TAFA5: variants seen among roughly 807,000 people sequenced by gnomAD.
The protein encoded by TAFA5 is chemokine-like protein TAFA-5.
In TAFA5, 6 loss-of-function variants were observed where a neutral mutation model predicts 15.3. That is an observed-to-expected ratio of 0.39 (90% CI 0.21 to 0.77). The LOEUF is 0.77. TAFA5 is among the 30% of genes least tolerant of loss of function. The probability of loss-of-function intolerance (pLI) is 0.41; values close to 1 mark genes in which losing one functional copy is unlikely to be tolerated. For synonymous variants in TAFA5, 103 were observed against 80.7 expected, an observed-to-expected ratio of 1.28 and a Z score of -1.48; for missense variants, 161 against 193.1, an observed-to-expected ratio of 0.83 and a Z score of 0.98.
intron 2 of TAFA5, among the ~76,000 whole-genome samples, chr22:48,690,234 C>T (rs1309740190): frequency 6.6e-6 from 1 of 152,202 alleles, no homozygotes. Context: ...ACCCCATCTC[C>T]TTGTGTTCAC....
intron 3 of TAFA5, among the ~76,000 whole-genome samples, chr22:48,710,694 G>A (rs1245266518): frequency 6.6e-6 from 1 of 152,208 alleles, no homozygotes; most frequent in Non-Finnish European, 1.5e-5. Context: ...TGGGGCATTT[G>A]AGGCAGAGGC....
chr22:48,590,566 G>C (rs992250332), intron 1 of TAFA5, among the ~76,000 whole-genome samples: 1 of 152,202 alleles, frequency 6.6e-6, no homozygotes, highest in African/African-American at 2.4e-5. Context: ...TAAACACCCA[G>C]TGTAGAGAAG....
intron 1 of TAFA5, among the ~76,000 whole-genome samples, chr22:48,575,778 C>T (rs1235825181): frequency 4.9e-5 from 7 of 144,188 alleles, no homozygotes; most frequent in Admixed American, 4.8e-4. Context: ...TCGATCGCCG[C>T]GGGCTCGGCC....
At chr22:48,730,063 C>T (rs1929826577) in intron 3 of TAFA5, among the ~76,000 whole-genome samples, 1 of 152,126 alleles carries the variant, frequency 6.6e-6, no homozygotes, top group African/African-American at 2.4e-5. Flanking sequence ...CATAAAATAA[C>T]AGCACACTGA....
intron 1 of TAFA5, among the ~76,000 whole-genome samples, chr22:48,634,802 C>T (rs186667823): frequency 4.6e-5 from 7 of 152,364 alleles, no homozygotes; most frequent in Admixed American, 2.6e-4. Context: ...TTCACTGTCT[C>T]ATGCACTCAC....
At chr22:48,674,579 C>G (rs1486486675) in intron 2 of TAFA5, among the ~76,000 whole-genome samples, 1 of 152,202 alleles carries the variant, frequency 6.6e-6, no homozygotes, top group African/African-American at 2.4e-5. Flanking sequence ...GACATTGGGG[C>G]TGATCCATGT....
At chr22:48,540,956 G>C (rs1158319461) in intron 1 of TAFA5, among the ~76,000 whole-genome samples, 1 of 151,916 alleles carries the variant, frequency 6.6e-6, no homozygotes. Flanking sequence ...GCAGCTCTCT[G>C]TGTGGACGTG....
intron 1 of TAFA5, among the ~76,000 whole-genome samples, chr22:48,563,427 A>C (rs1923305633): frequency 6.6e-6 from 1 of 152,160 alleles, no homozygotes; most frequent in South Asian, 2.1e-4. Flanking sequence ...CTGGGCCCTG[A>C]ACTCCTCTGG....
chr22:48,680,375 C>T (rs11912386), intron 2 of TAFA5, among the ~76,000 whole-genome samples: 10,517 of 152,280 alleles, frequency 0.069, 422 homozygotes, highest in Non-Finnish European at 0.088. Flanking sequence ...TCCTGCTGTA[C>T]CCGCCATGCA....
chr22:48,580,589 G>A (rs760043862), intron 1 of TAFA5, among the ~76,000 whole-genome samples: 13 of 152,198 alleles, frequency 8.5e-5, no homozygotes, highest in Admixed American at 5.9e-4. Context: ...GCTGTTCTTG[G>A]TGAGGGCTCG....
intron 1 of TAFA5, among the ~76,000 whole-genome samples, chr22:48,641,861 ATT>A (rs1306282815): frequency 6.6e-6 from 1 of 152,088 alleles, no homozygotes; most frequent in African/African-American, 2.4e-5. Flanking sequence ...TACTTGCTTT[ATT>A]TTTGAATGTT....
At chr22:48,628,187 G>A (rs1926090698) in intron 1 of TAFA5, among the ~76,000 whole-genome samples, 1 of 152,160 alleles carries the variant, frequency 6.6e-6, no homozygotes, top group Non-Finnish European at 1.5e-5. Flanking sequence ...CTGTTTCAGG[G>A]CATTTGGCAG....
intron 1 of TAFA5, among the ~76,000 whole-genome samples, chr22:48,499,043 TGC>T (rs1420818756): frequency 5.9e-5 from 9 of 152,186 alleles, no homozygotes; most frequent in Middle Eastern, 3.2e-3. Context: ...AGACAGCTCC[TGC>T]AGGCTCAGTG....
At chr22:48,677,829 G>T (rs1326052096) in intron 2 of TAFA5, among the ~76,000 whole-genome samples, 1 of 152,114 alleles carries the variant, frequency 6.6e-6, no homozygotes, top group Non-Finnish European at 1.5e-5. Context: ...AGCTGTCCTG[G>T]CCCCTGGGGA....
At chr22:48,692,092 C>T (rs566503943) in intron 2 of TAFA5, among the ~76,000 whole-genome samples, 32 of 152,118 alleles carry the variant, frequency 2.1e-4, no homozygotes, top group Non-Finnish European at 4.0e-4. Context: ...GGCAGTGTGC[C>T]AGGGGGAGGA....
intron 3 of TAFA5, among the ~76,000 whole-genome samples, chr22:48,735,716 T>C (rs941890212): frequency 6.6e-6 from 1 of 151,774 alleles, no homozygotes; most frequent in Non-Finnish European, 1.5e-5. Flanking sequence ...GAGGCAGCAA[T>C]CGCCCTCCTA....
intron 2 of TAFA5, among the ~76,000 whole-genome samples, chr22:48,692,860 C>G (rs1181204134): frequency 6.6e-6 from 1 of 152,248 alleles, no homozygotes; most frequent in Non-Finnish European, 1.5e-5. Context: ...GGGCCCAGGC[C>G]AGGAACAGCC....
chr22:48,545,897 A>C (rs1463731449), intron 1 of TAFA5, among the ~76,000 whole-genome samples: 4 of 152,138 alleles, frequency 2.6e-5, no homozygotes, highest in Non-Finnish European at 5.9e-5. Context: ...TGAAGGTGTG[A>C]GTGCTGCCTG....
rs1197246663 is a variant in TAFA5 at position 48,566,189 on chromosome 22, G to T, written c.112+76485G>T. On this transcript the variant is annotated intron_variant, in intron 1 of 3. Transcript: ENST00000402357. This position sits in a 1 kb window ranked among gnomAD's most constrained non-coding sequence, Gnocchi z 4.5. ...GGTGATGGGTGGATGGATGGTGGAT[G>T]GATGGGTGGATGGTGGATGATGGGT... Among the ~76,000 whole-genome samples, 2 of 151,896 alleles carry T rather than the reference G, an allele frequency of 1.3e-5. No homozygotes were observed.
Sources: gnomAD v4.1 joint callset for allele counts (sites outside exome capture counted in the v4.1 genomes callset) on GRCh38, gnomAD v4.1.1 for gene constraint, Gnocchi (gnomAD v3.1) non-coding constraint, MANE v1.5 for transcripts, NCBI Gene and HGNC (gene_info 2026-07-23, HGNC 2026-07-21) for gene names.